The following PLPPR1 variants were observed in gnomAD, a reference collection of about 807,000 sequenced individuals.
PLPPR1 encodes the protein phospholipid phosphatase-related protein type 1.
A neutral mutation model predicts 33.1 loss-of-function variants in PLPPR1; 10 were observed. The observed-to-expected ratio is 0.30, with a 90% CI of 0.19 to 0.51. The LOEUF is 0.51. Among genes scored for constraint, PLPPR1 ranks in the 20% least tolerant of loss-of-function variants. The pLI is 0.97. For missense variants in PLPPR1, 304 were observed against 408.1 expected, an observed-to-expected ratio of 0.74 and a Z score of 2.20; for synonymous variants, 151 against 151.0, an observed-to-expected ratio of 1.00 and a Z score of 0.00.
chr9:101,074,831 T>C (rs1218705941), intron 1 of PLPPR1, among the ~76,000 whole-genome samples: 1 of 152,056 alleles, frequency 6.6e-6, no homozygotes, highest in East Asian at 1.9e-4. Context: ...TTTGGTGCAA[T>C]GATAACAAAA....
chr9:101,150,506 T>C (rs1831568579), intron 1 of PLPPR1, among the ~76,000 whole-genome samples: 1 of 152,244 alleles, frequency 6.6e-6, no homozygotes, highest in African/African-American at 2.4e-5. Flanking sequence ...TAGTTGAGCC[T>C]TCTTATGTCA....
chr9:101,316,202 C>G (rs926224824), intron 6 of PLPPR1, among the ~76,000 whole-genome samples: 1 of 151,976 alleles, frequency 6.6e-6, no homozygotes, highest in Non-Finnish European at 1.5e-5. Context: ...TTTGGGAGGC[C>G]GAGGCCAGCA....
At chr9:101,236,598 A>G (rs1045800382) in intron 2 of PLPPR1, among the ~76,000 whole-genome samples, 3 of 151,396 alleles carry the variant, frequency 2.0e-5, no homozygotes, top group African/African-American at 7.3e-5. Flanking sequence ...TGAAAAAATG[A>G]CCATCTTTTT....
At chr9:101,046,454 T>TTTTTTTTTTTTA in intron 1 of PLPPR1, among the ~76,000 whole-genome samples, 1 of 148,220 alleles carries the variant, frequency 6.7e-6, no homozygotes, top group African/African-American at 2.5e-5. Context: ...TTTTTTTTTT[T>TTTTTTTTTTTTA]TTTGAGACAG....
At chr9:101,291,246 G>T (rs556140103) in intron 4 of PLPPR1, among the ~76,000 whole-genome samples, 1 of 152,036 alleles carries the variant, frequency 6.6e-6, no homozygotes, top group Admixed American at 6.5e-5. Flanking sequence ...AGGGGCGCCC[G>T]CCATTGCCCA....
rs182269149 is a variant in PLPPR1 at position 101,290,830 on chromosome 9, C to G, written c.385+4594C>G. Among the ~76,000 whole-genome samples the G allele has an allele frequency of 2.7e-4, 41 of 152,334 alleles. 1 individual carries two copies. The East Asian group carries it at 5.8e-3, about 22-fold the overall frequency. ...CCAAGATGGCCGAATAGGAACAGCT[C>G]CAGTCTACAGCTCTCAGCGTGAGTG... On this transcript the variant is annotated intron_variant, in intron 4 of 7. Coordinates refer to ENST00000374874, the MANE Select transcript of PLPPR1 (RefSeq NM_207299.2).
intron 1 of PLPPR1, among the ~76,000 whole-genome samples, chr9:101,077,138 G>A (rs1279138776): frequency 1.3e-5 from 2 of 152,142 alleles, no homozygotes; most frequent in Non-Finnish European, 2.9e-5. Flanking sequence ...GCCAAAGTTA[G>A]ACAGACTAAA....
At chr9:101,233,951 C>T (rs902063179) in intron 2 of PLPPR1, among the ~76,000 whole-genome samples, 1 of 151,900 alleles carries the variant, frequency 6.6e-6, no homozygotes, top group Admixed American at 6.6e-5. Flanking sequence ...GGCTACTTGA[C>T]CCTTTAATAT....
chr9:101,030,132 A>G (rs1275535513), intron 1 of PLPPR1, among the ~76,000 whole-genome samples: 1 of 151,860 alleles, frequency 6.6e-6, no homozygotes, highest in Non-Finnish European at 1.5e-5. Context: ...AATCCTTTCT[A>G]CTACTGGGGC....
chr9:101,323,586 TC>T (rs1775894501), intron 7 of PLPPR1, among the ~76,000 whole-genome samples: 1 of 151,784 alleles, frequency 6.6e-6, no homozygotes, highest in African/African-American at 2.4e-5. Flanking sequence ...ATGCCTATAA[TC>T]CCAGCACTTT....
intron 4 of PLPPR1, among the ~76,000 whole-genome samples, chr9:101,297,772 CCTCT>C (rs912676681): frequency 5.3e-5 from 8 of 152,048 alleles, no homozygotes; most frequent in Non-Finnish European, 1.0e-4. Flanking sequence ...TATTAAGACT[CCTCT>C]CTCTCATTTT....
At chr9:101,208,203 T>TTAG (rs1458884315) in intron 2 of PLPPR1, among the ~76,000 whole-genome samples, 1 of 152,204 alleles carries the variant, frequency 6.6e-6, no homozygotes, top group African/African-American at 2.4e-5. Flanking sequence ...TGGAATAGAT[T>TTAG]TAGGATTTTT....
At chr9:101,135,933 A>G (rs1014276576) in intron 1 of PLPPR1, among the ~76,000 whole-genome samples, 5 of 152,204 alleles carry the variant, frequency 3.3e-5, no homozygotes. Flanking sequence ...TTTATTTTAG[A>G]TGGCTATGCT....
chr9:101,235,638 T>G (rs1827284435), intron 2 of PLPPR1, among the ~76,000 whole-genome samples: 1 of 151,878 alleles, frequency 6.6e-6, no homozygotes. Context: ...TTCTAAGTGC[T>G]CAATTACCGA....
At chr9:101,260,292 A>G (rs1288925417) in intron 2 of PLPPR1, among the ~76,000 whole-genome samples, 1 of 152,142 alleles carries the variant, frequency 6.6e-6, no homozygotes, top group Non-Finnish European at 1.5e-5. Flanking sequence ...TACAGATATA[A>G]TCATAGCTAT....
chr9:101,060,057 T>C lies in PLPPR1; in HGVS notation c.-46+30955T>C, dbSNP rs556191385. Reference sequence around the variant, plus strand: ...AGCATGATTCACAATAGCTAAGATATGGAATCAACCTAAGTTATCATCAAT... The same window carrying C: ...AGCATGATTCACAATAGCTAAGATACGGAATCAACCTAAGTTATCATCAAT... On this transcript the variant is annotated intron_variant, in intron 1 of 7. Coordinates refer to ENST00000374874, the MANE Select transcript of PLPPR1 (RefSeq NM_207299.2). Among the ~76,000 whole-genome samples, 8 of 152,204 alleles carry C rather than the reference T, an allele frequency of 5.3e-5. No homozygotes were observed. In the East Asian group the frequency reaches 1.4e-3, roughly 26 times the overall value.
chr9:101,045,007 G>T (rs945722556), intron 1 of PLPPR1, among the ~76,000 whole-genome samples: 1 of 152,116 alleles, frequency 6.6e-6, no homozygotes, highest in Non-Finnish European at 1.5e-5. Flanking sequence ...GGTGTAGAAG[G>T]GGGCTGCTTA....
chr9:101,108,145 G>T (rs1006151670), intron 1 of PLPPR1, among the ~76,000 whole-genome samples: 2 of 146,808 alleles, frequency 1.4e-5, no homozygotes, highest in African/African-American at 5.3e-5. Context: ...GACCGGAGCT[G>T]TTCCTATTCG....
intron 3 of PLPPR1, among the ~76,000 whole-genome samples, chr9:101,276,583 A>G (rs886197240): frequency 6.6e-6 from 1 of 152,148 alleles, no homozygotes; most frequent in African/African-American, 2.4e-5. Flanking sequence ...TTTTTACTCT[A>G]TTTTTACTTC....
Sources: gnomAD v4.1 joint callset for allele counts (sites outside exome capture counted in the v4.1 genomes callset) on GRCh38, gnomAD v4.1.1 for gene constraint, MANE v1.5 for transcripts, NCBI Gene and HGNC (gene_info 2026-07-23, HGNC 2026-07-21) for gene names.